LDB2: variants seen among roughly 807,000 people sequenced by gnomAD.
The protein encoded by LDB2 is LIM domain-binding protein 2.
In LDB2, 12 loss-of-function variants were observed where a neutral mutation model predicts 44.3. The ratio of observed to expected loss-of-function variants is 0.27; its 90% confidence interval spans 0.17 to 0.44. The LOEUF (loss-of-function observed/expected upper bound fraction) is 0.44. Ranked by LOEUF, LDB2 falls within the 20% of genes least tolerant of loss-of-function variation. LDB2 has a pLI of 1.00. For missense variants in LDB2, 344 were observed against 473.5 expected (o/e 0.73, Z 2.54); for synonymous variants, 164 against 174.8 (o/e 0.94, Z 0.49).
At chr4:16,511,419 A>G (rs1721693502) in intron 6 of LDB2, among the ~76,000 whole-genome samples, 1 of 152,174 alleles carries the variant, frequency 6.6e-6, no homozygotes, top group South Asian at 2.1e-4. Context: ...TATTCTCTTC[A>G]TGATCAGAAC....
At chr4:16,523,882 A>G (rs1727224548) in intron 5 of LDB2, among the ~76,000 whole-genome samples, 1 of 152,228 alleles carries the variant, frequency 6.6e-6, no homozygotes, top group Admixed American at 6.5e-5. Context: ...CAGGAAACAA[A>G]ACCATAGGTA....
chr4:16,555,920 A>G (rs1439328459), intron 5 of LDB2, among the ~76,000 whole-genome samples: 1 of 152,038 alleles, frequency 6.6e-6, no homozygotes, highest in Non-Finnish European at 1.5e-5. Context: ...TGCTCCAGCC[A>G]TGGCCCTTCT....
intron 1 of LDB2, among the ~76,000 whole-genome samples, chr4:16,788,282 G>A (rs1774920932): frequency 6.6e-6 from 1 of 152,262 alleles, no homozygotes; most frequent in African/African-American, 2.4e-5. Context: ...CTCACTGCCA[G>A]TGCCGGATGC....
intron 2 of LDB2, among the ~76,000 whole-genome samples, chr4:16,755,511 GTGTGTGTGTGTGT>G (rs1766375533): frequency 3.0e-5 from 3 of 99,360 alleles, no homozygotes; most frequent in African/African-American, 1.1e-4. Flanking sequence ...GTGTGTGTGT[GTGTGTGTGTGTGT>G]ATGTGAGAGA....
chr4:16,718,165 G>T (rs1050829874), intron 2 of LDB2, among the ~76,000 whole-genome samples: 1 of 152,022 alleles, frequency 6.6e-6, no homozygotes, highest in African/African-American at 2.4e-5. Flanking sequence ...ACCAAAGAAT[G>T]GTCTATTCAG....
chr4:16,800,033 G>A (rs904551123), intron 1 of LDB2, among the ~76,000 whole-genome samples: 2 of 151,880 alleles, frequency 1.3e-5, no homozygotes, highest in African/African-American at 4.8e-5. Flanking sequence ...TATATGAGTA[G>A]ATAAAAAGGA....
At chr4:16,798,719 C>G (rs538535741) in intron 1 of LDB2, among the ~76,000 whole-genome samples, 1 of 152,398 alleles carries the variant, frequency 6.6e-6, no homozygotes, top group Admixed American at 6.5e-5. Context: ...CACCTCCCTA[C>G]AACGTGGAAG....
In LDB2 at chr4:16,757,516, A is replaced by G. The variant is rs553291077; in HGVS notation, c.235+1642T>C. ...GAGCCAGAATCTGTTGTATTAGGAC[A>G]TATTTTAATACTGTAATTCTAGTTC... On this transcript the variant is annotated intron_variant, in intron 2 of 7. Coordinates refer to ENST00000304523, the MANE Select transcript of LDB2 (RefSeq NM_001290.5). 3.3e-5 allele frequency among the ~76,000 whole-genome samples: 5 copies of G among 152,320 alleles called. No individual in the cohort carries two copies. In the South Asian group the frequency reaches 8.3e-4, roughly 25 times the overall value.
chr4:16,617,814 T>C (rs572377885), intron 2 of LDB2, among the ~76,000 whole-genome samples: 94 of 152,298 alleles, frequency 6.2e-4, no homozygotes, highest in Non-Finnish European at 1.2e-3. Context: ...GAAGATTTTT[T>C]CTACTATTAA....
intron 5 of LDB2, among the ~76,000 whole-genome samples, chr4:16,537,048 A>G (rs1194050593): frequency 6.6e-6 from 1 of 152,130 alleles, no homozygotes; most frequent in East Asian, 1.9e-4. Flanking sequence ...TTACGTTTTT[A>G]TGATTGGTAT....
At chr4:16,722,021 G>A (rs1758391163) in intron 2 of LDB2, among the ~76,000 whole-genome samples, 1 of 152,150 alleles carries the variant, frequency 6.6e-6, no homozygotes, top group Admixed American at 6.5e-5. Flanking sequence ...CTGTGTCCAT[G>A]AGAGGCTGCT....
intron 1 of LDB2, among the ~76,000 whole-genome samples, chr4:16,765,637 AAT>A (rs1343856409): frequency 6.6e-6 from 1 of 152,220 alleles, no homozygotes; most frequent in Non-Finnish European, 1.5e-5. Flanking sequence ...GGAGTAGAAA[AAT>A]GGACTAAACA....
At chr4:16,645,113 T>C (rs549604024) in intron 2 of LDB2, among the ~76,000 whole-genome samples, 1 of 152,366 alleles carries the variant, frequency 6.6e-6, no homozygotes, top group African/African-American at 2.4e-5. Context: ...GGCAAATAAG[T>C]GCATTGATAG....
chr4:16,599,170 T>C (rs1506461), intron 2 of LDB2, among the ~76,000 whole-genome samples: 56,777 of 152,004 alleles, frequency 0.37, 11,056 homozygotes, highest in East Asian at 0.59. Flanking sequence ...CACAAACTTA[T>C]TATTTCATAG....
intron 1 of LDB2, among the ~76,000 whole-genome samples, chr4:16,857,379 G>C (rs1355285258): frequency 6.6e-6 from 1 of 152,200 alleles, no homozygotes; most frequent in African/African-American, 2.4e-5. Flanking sequence ...AAAGTCTCCA[G>C]ACGGATAGCC....
intron 2 of LDB2, among the ~76,000 whole-genome samples, chr4:16,681,978 G>A (rs1272877005): frequency 1.3e-5 from 2 of 152,150 alleles, no homozygotes; most frequent in African/African-American, 2.4e-5. Context: ...AAGAGACAGA[G>A]GACGGGTGCC....
At chr4:16,720,746 G>T (rs765626603) in intron 2 of LDB2, among the ~76,000 whole-genome samples, 1 of 152,140 alleles carries the variant, frequency 6.6e-6, no homozygotes, top group Non-Finnish European at 1.5e-5. Flanking sequence ...CTATTTCTAA[G>T]ACAATAATAG....
chr4:16,812,290 G>A (rs1482311354), intron 1 of LDB2, among the ~76,000 whole-genome samples: 1 of 152,104 alleles, frequency 6.6e-6, no homozygotes, highest in East Asian at 1.9e-4. Context: ...AAGATATCAA[G>A]GGGAAATTCT....
intron 2 of LDB2, among the ~76,000 whole-genome samples, chr4:16,696,167 C>T (rs1752080743): frequency 6.6e-6 from 1 of 152,190 alleles, no homozygotes. Flanking sequence ...CTTTTTAGCT[C>T]CAGAGAAGGA....
Sources: gnomAD v4.1 joint callset for allele counts (sites outside exome capture counted in the v4.1 genomes callset) on GRCh38, gnomAD v4.1.1 for gene constraint, MANE v1.5 for transcripts, NCBI Gene and HGNC (gene_info 2026-07-23, HGNC 2026-07-21) for gene names.